Variants in PDE4D observed in about 807,000 individuals in gnomAD.
PDE4D encodes the protein 3',5'-cyclic-AMP phosphodiesterase 4D.
Under a neutral mutation model 87.4 loss-of-function variants are expected in PDE4D, and 24 were observed. The observed-to-expected ratio is 0.27, with a 90% CI of 0.20 to 0.39. PDE4D has a LOEUF of 0.39. Ranked by LOEUF, PDE4D falls within the 10% of genes least tolerant of loss-of-function variation. The pLI, the probability that PDE4D is intolerant of heterozygous loss-of-function variation, is 1.00. For missense variants in PDE4D, 714 were observed against 1,041.0 expected (o/e 0.69, Z 4.32); for synonymous variants, 384 against 383.2 (o/e 1.00, Z -0.02).
chr5:59,322,705 G>A (rs1774928264), intron 1 of PDE4D, among the ~76,000 whole-genome samples: 1 of 152,118 alleles, frequency 6.6e-6, no homozygotes, highest in Non-Finnish European at 1.5e-5. Flanking sequence ...CTAACAGAAT[G>A]TGGGCACAAA....
At chr5:59,828,683 C>A (rs1770615767) in intron 1 of PDE4D, among the ~76,000 whole-genome samples, 1 of 151,982 alleles carries the variant, frequency 6.6e-6, no homozygotes, top group Non-Finnish European at 1.5e-5. Context: ...CTTTTAAGAG[C>A]CAAAAAATAT....
intron 6 of PDE4D, among the ~76,000 whole-genome samples, chr5:59,005,998 G>A (rs2153358644): frequency 6.6e-6 from 1 of 152,336 alleles, no homozygotes; most frequent in East Asian, 1.9e-4. Flanking sequence ...ACAGGGTGAG[G>A]AAGCAGGTGC....
In PDE4D at chr5:59,740,427, C is replaced by T. The variant is rs148880108; in HGVS notation, c.455+152741G>A. On this transcript the variant is annotated intron_variant, in intron 1 of 14. Transcript: ENST00000340635. ...GATTACTTTATAAGCATTGTCTTGACGACTTGGCAACAATAATCAATACTC... is the reference window on the plus strand; with the variant it reads ...GATTACTTTATAAGCATTGTCTTGATGACTTGGCAACAATAATCAATACTC... Among the ~76,000 whole-genome samples the T allele has an allele frequency of 1.2e-3, 190 of 152,038 alleles. 1 individual carries two copies. Among genetic ancestry groups the T allele is most frequent in the African/African-American group, 4.3e-3 (178 of 41,454 alleles).
intron 2 of PDE4D, among the ~76,000 whole-genome samples, chr5:60,046,913 T>A (rs1395997106): frequency 2.0e-5 from 3 of 152,234 alleles, no homozygotes; most frequent in Admixed American, 2.0e-4. Flanking sequence ...CCTCTTTTTC[T>A]ATTGATTGGA....
chr5:59,299,880 T>G (rs1005561258), intron 1 of PDE4D, among the ~76,000 whole-genome samples: 1 of 152,022 alleles, frequency 6.6e-6, no homozygotes, highest in African/African-American at 2.4e-5. Flanking sequence ...GAGGCCGAGG[T>G]GGGCAGATCA....
rs115678833 is a variant in PDE4D, at chr5:60,446,057, T to C, written c.-90+41885A>G. The stretch of plus-strand genomic sequence containing the variant: ...TTGCAAAGGATAAAACTACCCAACC[T>C]CACTAGTGACTTAACAAACACAGAA... On this transcript the variant is annotated intron_variant, in intron 1 of 16. Transcript: ENST00000502484. 6.9e-3 allele frequency among the ~76,000 whole-genome samples: 1,046 copies of C among 152,212 alleles called. 9 individuals carry two copies. The highest frequency in any genetic ancestry group is 0.024 in the African/African-American group (1,006 of 41,544).
intron 1 of PDE4D, among the ~76,000 whole-genome samples, chr5:60,234,128 C>T (rs563273202): frequency 4.0e-4 from 60 of 151,768 alleles, no homozygotes; most frequent in Non-Finnish European, 7.4e-4. Context: ...TCCCAGCTGT[C>T]GGAAGACACT....
chr5:59,447,426 G>C (rs1298779029), intron 1 of PDE4D, among the ~76,000 whole-genome samples: 1 of 152,162 alleles, frequency 6.6e-6, no homozygotes, highest in Non-Finnish European at 1.5e-5. Flanking sequence ...TGTCCATTGT[G>C]CACCAATCAC....
intron 3 of PDE4D, among the ~76,000 whole-genome samples, chr5:59,192,940 T>C (rs1744660370): frequency 1.3e-5 from 2 of 152,320 alleles, no homozygotes; most frequent in South Asian, 2.1e-4. Context: ...ACATAGAACA[T>C]CTGGTCATCA....
intron 3 of PDE4D, among the ~76,000 whole-genome samples, chr5:59,902,230 A>C (rs1284210027): frequency 6.6e-6 from 1 of 152,056 alleles, no homozygotes; most frequent in Non-Finnish European, 1.5e-5. Context: ...AAGCAAACAA[A>C]ACAACCCCTA....
At chr5:59,159,931 C>T (rs1029532245) in intron 5 of PDE4D, among the ~76,000 whole-genome samples, 2 of 151,856 alleles carry the variant, frequency 1.3e-5, no homozygotes, top group Non-Finnish European at 2.9e-5. Context: ...ATTTGCTGCT[C>T]GTTACTGTAG....
intron 1 of PDE4D, among the ~76,000 whole-genome samples, chr5:59,243,223 A>G (rs1191744886): frequency 1.3e-5 from 2 of 152,072 alleles, no homozygotes; most frequent in Non-Finnish European, 2.9e-5. Flanking sequence ...AGAGGACTCA[A>G]CTTCTGAATT....
chr5:59,080,534 T>C (rs1766551035), intron 5 of PDE4D, among the ~76,000 whole-genome samples: 1 of 152,164 alleles, frequency 6.6e-6, no homozygotes, highest in East Asian at 1.9e-4. Context: ...AACATCGTCA[T>C]ATTGCTTCTT....
intron 1 of PDE4D, among the ~76,000 whole-genome samples, chr5:59,479,702 A>G (rs1396499556): frequency 2.0e-5 from 3 of 152,122 alleles, no homozygotes; most frequent in Admixed American, 6.6e-5. Flanking sequence ...ATATACATAT[A>G]TGTGTATGAA....
intron 5 of PDE4D, among the ~76,000 whole-genome samples, chr5:59,080,792 A>G (rs1766597668): frequency 6.6e-6 from 1 of 152,204 alleles, no homozygotes; most frequent in Admixed American, 6.5e-5. Flanking sequence ...AAGCTTTCCT[A>G]ATGTTCAATT....
At chr5:59,414,722 C>CA (rs1793291304) in intron 1 of PDE4D, among the ~76,000 whole-genome samples, 1 of 152,098 alleles carries the variant, frequency 6.6e-6, no homozygotes, top group African/African-American at 2.4e-5. Context: ...ATCGAACAAA[C>CA]AACAAAACAA....
chr5:60,304,462 G>A (rs111549934), intron 1 of PDE4D, among the ~76,000 whole-genome samples: 1 of 150,918 alleles, frequency 6.6e-6, no homozygotes, highest in Non-Finnish European at 1.5e-5. Context: ...TGGTTAACAA[G>A]GTGAAACCCC....
intron 1 of PDE4D, among the ~76,000 whole-genome samples, chr5:59,234,275 G>T (rs1755874405): frequency 6.6e-6 from 1 of 151,860 alleles, no homozygotes; most frequent in African/African-American, 2.4e-5. Context: ...TGTGTATTTT[G>T]TCTTTCTTTT....
chr5:59,126,528 T>C (rs1336820348), intron 5 of PDE4D, among the ~76,000 whole-genome samples: 1 of 152,238 alleles, frequency 6.6e-6, no homozygotes, highest in Non-Finnish European at 1.5e-5. Context: ...AGGAATGCTG[T>C]TCAGGGCTTC....
Sources: allele counts gnomAD v4.1 joint callset (sites outside exome capture counted in the v4.1 genomes callset), GRCh38; gene constraint gnomAD v4.1.1; transcripts MANE v1.5; gene names NCBI Gene and HGNC (gene_info 2026-07-23, HGNC 2026-07-21).